The following KIAA0825 variants were observed in gnomAD, a reference collection of about 807,000 sequenced individuals.
The protein encoded by KIAA0825 is KIAA0825, also known as uncharacterized protein KIAA0825.
KIAA0825 carries 119 observed loss-of-function variants against 147.6 expected under a neutral mutation model. That is an observed-to-expected ratio of 0.81 (90% CI 0.69 to 0.94). KIAA0825 has a LOEUF of 0.94. KIAA0825 is among the 40% of genes least tolerant of loss of function. KIAA0825 has a pLI of 0.00. For missense variants in KIAA0825, 1,381 were observed against 1,472.7 expected (o/e 0.94, Z 1.02); for synonymous variants, 470 against 518.1 (o/e 0.91, Z 1.26).
rs541480493 is a variant in KIAA0825 at position 94,192,520 on chromosome 5, C to G, written c.3711-38396G>C. On this transcript the variant is annotated intron_variant, in intron 20 of 20. Transcript: ENST00000682413. ...TTGAGGAAATCACTATTTAAAGTATCTTTTTATATGGATTCCGCTGATTGC... is the reference window on the plus strand; with the variant it reads ...TTGAGGAAATCACTATTTAAAGTATGTTTTTATATGGATTCCGCTGATTGC... Among the ~76,000 whole-genome samples, 9 of 152,174 alleles carry G rather than the reference C, an allele frequency of 5.9e-5. No individual in the cohort carries two copies. In the East Asian group the frequency reaches 1.7e-3, roughly 29 times the overall value.
intron 20 of KIAA0825, among the ~76,000 whole-genome samples, chr5:94,209,596 G>A (rs1320092933): frequency 6.6e-6 from 1 of 152,120 alleles, no homozygotes; most frequent in Non-Finnish European, 1.5e-5. Flanking sequence ...TAATTAACAT[G>A]TGTAAAAATG....
intron 6 of KIAA0825, among the ~76,000 whole-genome samples, chr5:94,478,014 A>G (rs992977531): frequency 6.6e-6 from 1 of 152,168 alleles, no homozygotes; most frequent in Admixed American, 6.5e-5. Flanking sequence ...TTTTTTCCCC[A>G]TGATTTACCA....
chr5:94,247,703 A>G (rs1452122182), intron 20 of KIAA0825, among the ~76,000 whole-genome samples: 1 of 152,172 alleles, frequency 6.6e-6, no homozygotes, highest in Admixed American at 6.6e-5. Context: ...TTCCAGTGCT[A>G]GTGTAAAGTT....
chr5:94,256,179 C>G (rs1562337223), intron 20 of KIAA0825, among the ~76,000 whole-genome samples: 1 of 152,102 alleles, frequency 6.6e-6, no homozygotes, highest in Non-Finnish European at 1.5e-5. Context: ...TAATGTGATT[C>G]AAGAAGGAAA....
intron 5 of KIAA0825, among the ~76,000 whole-genome samples, chr5:94,506,176 T>G (rs1425793183): frequency 6.6e-6 from 1 of 152,236 alleles, no homozygotes; most frequent in Non-Finnish European, 1.5e-5. Flanking sequence ...AATTAGCCAA[T>G]GATCAATAGG....
chr5:94,463,228 A>T (rs1562522142), intron 11 of KIAA0825, among the ~76,000 whole-genome samples: 3 of 151,598 alleles, frequency 2.0e-5, no homozygotes, highest in Non-Finnish European at 1.5e-5. Context: ...TTATTTTGGC[A>T]TCTAACTAAA....
intron 20 of KIAA0825, among the ~76,000 whole-genome samples, chr5:94,255,865 G>A (rs1001211345): frequency 3.3e-5 from 5 of 150,940 alleles, no homozygotes; most frequent in East Asian, 3.9e-4. Flanking sequence ...AGGTGTAAGC[G>A]ACCATGCCAA....
intron 20 of KIAA0825, among the ~76,000 whole-genome samples, chr5:94,371,096 T>C (rs1746643271): frequency 6.6e-6 from 1 of 152,108 alleles, no homozygotes; most frequent in Non-Finnish European, 1.5e-5. Flanking sequence ...CCTGTACCAT[T>C]TGAAATAATA....
chr5:94,386,569 C>T (rs1749172815), intron 18 of KIAA0825, among the ~76,000 whole-genome samples, 165 bp from the exon 19 acceptor site: 1 of 152,046 alleles, frequency 6.6e-6, no homozygotes, highest in Admixed American at 6.6e-5. Flanking sequence ...AGTAGAGTAC[C>T]AATCAGCATT....
At chr5:94,543,223 C>A (rs980247049) in intron 2 of KIAA0825, among the ~76,000 whole-genome samples, 2 of 152,136 alleles carry the variant, frequency 1.3e-5, no homozygotes, top group African/African-American at 2.4e-5. Context: ...ACAGGAGGAT[C>A]TCCTGCAGTT....
At chr5:94,229,396 CAG>C (rs1315878254) in intron 20 of KIAA0825, among the ~76,000 whole-genome samples, 4 of 152,008 alleles carry the variant, frequency 2.6e-5, no homozygotes, top group Non-Finnish European at 4.4e-5. Flanking sequence ...TCTTTATCCC[CAG>C]AGAGTTATAA....
chr5:94,479,099 T>C (rs1219326452), intron 6 of KIAA0825, among the ~76,000 whole-genome samples: 1 of 152,188 alleles, frequency 6.6e-6, no homozygotes, highest in Admixed American at 6.5e-5. Context: ...AATATTATTA[T>C]TAACTAAGTC....
chr5:94,386,094 C>T (rs781650665), intron 19 of KIAA0825, 148 bp downstream of exon 19: 13 of 610,404 alleles, frequency 2.1e-5, no homozygotes, highest in South Asian at 2.1e-4. Context: ...TCTTAAAAGT[C>T]AATTTGTACA....
chr5:94,586,846 G>GATCAAGTCA (rs1430847559), intron 1 of KIAA0825, among the ~76,000 whole-genome samples: 1 of 152,114 alleles, frequency 6.6e-6, no homozygotes, highest in Non-Finnish European at 1.5e-5. Context: ...TATCCAACAT[G>GATCAAGTCA]ATCAAGTCAC....
intron 20 of KIAA0825, among the ~76,000 whole-genome samples, chr5:94,244,197 T>G (rs868491019): frequency 1.3e-5 from 2 of 152,224 alleles, no homozygotes; most frequent in Admixed American, 6.5e-5. Flanking sequence ...ATTTTCCTTC[T>G]TCGTAAACTA....
intron 20 of KIAA0825, among the ~76,000 whole-genome samples, chr5:94,260,172 A>T (rs2150131007): frequency 6.6e-6 from 1 of 152,260 alleles, no homozygotes; most frequent in Non-Finnish European, 1.5e-5. Context: ...GTGAGACTTG[A>T]TGCTAGACAT....
At chr5:94,474,882 G>A (rs1407439311) in intron 7 of KIAA0825, among the ~76,000 whole-genome samples, 1 of 152,190 alleles carries the variant, frequency 6.6e-6, no homozygotes, top group African/African-American at 2.4e-5. Flanking sequence ...GAGGTCAGGA[G>A]ATGGAGACCA....
chr5:94,328,116 T>C (rs1485045329), intron 20 of KIAA0825, among the ~76,000 whole-genome samples: 1 of 152,320 alleles, frequency 6.6e-6, no homozygotes, highest in African/African-American at 2.4e-5. Context: ...GTCATTGTAA[T>C]AGATAATAGA....
chr5:94,223,849 T>G (rs1316430603), intron 20 of KIAA0825, among the ~76,000 whole-genome samples: 1 of 152,136 alleles, frequency 6.6e-6, no homozygotes, highest in Non-Finnish European at 1.5e-5. Context: ...TAACATGCCT[T>G]AGTTAAAGAT....
Sources: gnomAD v4.1 joint callset for allele counts (sites outside exome capture counted in the v4.1 genomes callset) on GRCh38, gnomAD v4.1.1 for gene constraint, MANE v1.5 for transcripts, NCBI Gene and HGNC (gene_info 2026-07-23, HGNC 2026-07-21) for gene names.